The following PPP3CA variants were observed in gnomAD, a reference collection of about 807,000 sequenced individuals.
PPP3CA encodes the protein CAM-PRP catalytic subunit.
Under a neutral mutation model 66.5 loss-of-function variants are expected in PPP3CA, and 14 were observed. The observed-to-expected ratio is 0.21, with a 90% CI of 0.14 to 0.33. The LOEUF is 0.33. Ranked by LOEUF, PPP3CA falls within the 10% of genes least tolerant of loss-of-function variation. PPP3CA has a pLI of 1.00. For missense variants in PPP3CA, 317 were observed against 639.5 expected (o/e 0.50, Z 5.44); for synonymous variants, 232 against 226.2 (o/e 1.03, Z -0.23).
chr4:101,204,435 G>C (rs941225403), intron 1 of PPP3CA, among the ~76,000 whole-genome samples: 1 of 152,098 alleles, frequency 6.6e-6, no homozygotes, highest in Non-Finnish European at 1.5e-5. Flanking sequence ...AGGAGATCAA[G>C]ACCATCCTGG....
At chr4:101,169,352 T>G (rs954760843) in intron 2 of PPP3CA, among the ~76,000 whole-genome samples, 4 of 152,168 alleles carry the variant, frequency 2.6e-5, no homozygotes, top group African/African-American at 9.7e-5. Context: ...GAATGAATGG[T>G]GTGCATGCCC....
chr4:101,149,938 G>A (rs1723086049), intron 2 of PPP3CA, among the ~76,000 whole-genome samples: 1 of 152,206 alleles, frequency 6.6e-6, no homozygotes, highest in Admixed American at 6.5e-5. Context: ...CCATTTTAAA[G>A]ATGAGTAAAC....
chr4:101,293,635 C>T (rs1426097874), intron 1 of PPP3CA, among the ~76,000 whole-genome samples: 2 of 152,166 alleles, frequency 1.3e-5, no homozygotes, highest in Admixed American at 1.3e-4. Context: ...GAAGATGCTC[C>T]TGTTCCCCAC....
chr4:101,270,256 G>A (rs1050435129), intron 1 of PPP3CA, among the ~76,000 whole-genome samples: 19 of 152,020 alleles, frequency 1.2e-4, no homozygotes, highest in African/African-American at 4.1e-4. Flanking sequence ...TCATTCATAT[G>A]TGTGCATACC....
chr4:101,077,642 G>A (rs1729249340), intron 8 of PPP3CA, among the ~76,000 whole-genome samples: 1 of 152,092 alleles, frequency 6.6e-6, no homozygotes, highest in Non-Finnish European at 1.5e-5. Context: ...TTAAACTAAA[G>A]AATACATCTT....
In PPP3CA at chr4:101,023,872, C is replaced by T. The variant is rs369949620; in HGVS notation, c.*1993G>A. The T allele has an allele frequency of 2.0e-5, 3 of 152,552 alleles. No individual in the cohort carries two copies. The highest frequency in any genetic ancestry group is 1.9e-4 in the East Asian group (1 of 5,200). The allele number at this position is 152,552 out of a possible 1,614,324, so 9.4% of individuals were successfully genotyped here. On this transcript the variant is annotated 3_prime_UTR_variant, in exon 14 of 14. Coordinates refer to ENST00000394854, the MANE Select transcript of PPP3CA (RefSeq NM_000944.5). ...TGAAATTTGGTGTATCTTAAATCTT[C>T]GGGTGATGATTAGATAGTAGCTGAA... is the stretch of plus-strand genomic sequence containing the variant.
At chr4:101,249,553 A>G (rs182583363) in intron 1 of PPP3CA, among the ~76,000 whole-genome samples, 95 of 152,272 alleles carry the variant, frequency 6.2e-4, no homozygotes, top group African/African-American at 2.2e-3. Context: ...AGTATTGAAC[A>G]TAAGGAGTTA....
rs984865277 is a variant in PPP3CA, at chr4:101,024,838, C to T, written c.*1027G>A. 4 of 152,392 alleles carry T rather than the reference C, an allele frequency of 2.6e-5. No individual in the cohort carries two copies. The highest frequency in any genetic ancestry group is 1.3e-4 in the Admixed American group (2 of 15,268). The allele number at this position is 152,392 out of a possible 1,614,324, so 9.4% of individuals were successfully genotyped here. A position where few individuals can be genotyped will look rare whatever the true frequency, so the allele number is the denominator to read the frequency against. On this transcript the variant is annotated 3_prime_UTR_variant, in exon 14 of 14. Coordinates refer to ENST00000394854, the MANE Select transcript of PPP3CA (RefSeq NM_000944.5). ...TAAGCATTTTAGAGAATATAAAGTACGCCAGTATACATACATTTCCAGTAT... is the reference window on the plus strand; with the variant it reads ...TAAGCATTTTAGAGAATATAAAGTATGCCAGTATACATACATTTCCAGTAT...
intron 1 of PPP3CA, among the ~76,000 whole-genome samples, chr4:101,249,612 G>A (rs569807921): frequency 6.6e-6 from 1 of 152,166 alleles, no homozygotes; most frequent in African/African-American, 2.4e-5. Context: ...TGACATTTCA[G>A]TTATTACTGG....
chr4:101,130,973 T>A (rs887924715), intron 2 of PPP3CA, among the ~76,000 whole-genome samples: 1 of 152,068 alleles, frequency 6.6e-6, no homozygotes, highest in Non-Finnish European at 1.5e-5. Context: ...ACACCTGTAA[T>A]CCCAGCACTT....
In PPP3CA at chr4:101,233,703, C is replaced by T. The variant is rs182809162; in HGVS notation, c.59-37587G>A. Among the ~76,000 whole-genome samples the T allele has an allele frequency of 1.1e-3, 158 of 148,458 alleles. 1 individual carries two copies. The highest frequency in any genetic ancestry group is 3.7e-3 in the African/African-American group (149 of 40,432). ...ATTAAATATTTAATTCAAATGAAAA[C>T]GTTTAGTCCTAATCTAGGAATTTAC... On this transcript the variant is annotated intron_variant, in intron 1 of 13. Coordinates refer to ENST00000394854, the MANE Select transcript of PPP3CA (RefSeq NM_000944.5).
intron 2 of PPP3CA, chr4:101,171,229 G>A: frequency 2.2e-6 from 1 of 455,478 alleles, no homozygotes; most frequent in Non-Finnish European, 4.4e-6. Flanking sequence ...TGGAGCTTCT[G>A]AAAAGCAGAG....
intron 6 of PPP3CA, among the ~76,000 whole-genome samples, chr4:101,091,499 T>C (rs1043452842): frequency 1.3e-5 from 2 of 152,124 alleles, no homozygotes; most frequent in African/African-American, 2.4e-5. Context: ...TCTGTTAATA[T>C]TCATATAAAG....
chr4:101,083,595 T>A (rs952619281), intron 6 of PPP3CA, among the ~76,000 whole-genome samples: 1 of 152,222 alleles, frequency 6.6e-6, no homozygotes, highest in Non-Finnish European at 1.5e-5. Context: ...AGCATAACTA[T>A]AACAAGATAA....
intron 10 of PPP3CA, among the ~76,000 whole-genome samples, chr4:101,045,618 G>A (rs1727730042): frequency 6.6e-6 from 1 of 152,176 alleles, no homozygotes; most frequent in South Asian, 2.1e-4. Context: ...TCAGATGATG[G>A]GTAAGAAGTT....
chr4:101,300,595 G>A (rs1172664623), intron 1 of PPP3CA, among the ~76,000 whole-genome samples: 2 of 152,088 alleles, frequency 1.3e-5, no homozygotes, highest in Non-Finnish European at 2.9e-5. Context: ...AGGAGTTCAA[G>A]ACCAACCTGG....
At chr4:101,048,185 G>A (rs1210589515) in intron 10 of PPP3CA, among the ~76,000 whole-genome samples, 2 of 152,076 alleles carry the variant, frequency 1.3e-5, no homozygotes, top group African/African-American at 4.8e-5. Flanking sequence ...AAGAGGAGGC[G>A]GGAAAGGAGA....
At chr4:101,026,653 GA>G (rs35085033) in intron 13 of PPP3CA, among the ~76,000 whole-genome samples, 4 of 125,030 alleles carry the variant, frequency 3.2e-5, no homozygotes, top group African/African-American at 1.0e-4. Flanking sequence ...ATGATGACAT[GA>G]AAAAAAAAGA....
intron 1 of PPP3CA, among the ~76,000 whole-genome samples, chr4:101,268,185 T>A (rs1004290615): frequency 1.3e-5 from 2 of 151,816 alleles, no homozygotes; most frequent in Admixed American, 1.3e-4. Flanking sequence ...AAAACATAAA[T>A]AAGTAACAAT....
Sources: gnomAD v4.1 joint callset for allele counts (sites outside exome capture counted in the v4.1 genomes callset) on GRCh38, gnomAD v4.1.1 for gene constraint, MANE v1.5 for transcripts, NCBI Gene and HGNC (gene_info 2026-07-23, HGNC 2026-07-21) for gene names.